RNF216: variants seen among roughly 807,000 people sequenced by gnomAD.
The protein encoded by RNF216 is E3 ubiquitin-protein ligase RNF216.
RNF216 carries 72 observed loss-of-function variants against 110.8 expected under a neutral mutation model. The ratio of observed to expected loss-of-function variants is 0.65; its 90% CI spans 0.54 to 0.79. The LOEUF (loss-of-function observed/expected upper bound fraction) is 0.79, where lower values mean the gene tolerates loss of function less well. RNF216 is among the 30% of genes least tolerant of loss of function. RNF216 has a pLI of 0.00. For synonymous variants in RNF216, 495 were observed against 407.5 expected, an observed-to-expected ratio of 1.21 and a Z score of -2.59; for missense variants, 1,342 against 1,141.2, an observed-to-expected ratio of 1.18 and a Z score of -2.54.
intron 13 of RNF216, 44 bp from the exon 14 acceptor site, chr7:5,652,554 A>G: frequency 7.7e-7 from 1 of 1,300,346 alleles, no homozygotes; most frequent in East Asian, 2.3e-5. Context: ...TGGTGAGTGG[A>G]CACCACAGAA....
intron 13 of RNF216, among the ~76,000 whole-genome samples, chr7:5,672,022 A>G (rs1789952214): frequency 6.6e-6 from 1 of 152,224 alleles, no homozygotes; most frequent in Admixed American, 6.5e-5. Flanking sequence ...GTATTTTGCT[A>G]AGGCAGCCGA....
chr7:5,714,614 A>C (rs4724713), intron 11 of RNF216, among the ~76,000 whole-genome samples: 2 of 152,250 alleles, frequency 1.3e-5, no homozygotes, highest in South Asian at 4.1e-4. Context: ...AAATACCACA[A>C]ACTCGGTGGT....
chr7:5,728,396 A>G (rs1356165059), intron 7 of RNF216, among the ~76,000 whole-genome samples: 1 of 152,000 alleles, frequency 6.6e-6, no homozygotes, highest in Non-Finnish European at 1.5e-5. Context: ...CTTGGCCGAA[A>G]TGGTGAAACC....
rs746637942 is a variant in RNF216 at position 5,761,094 on chromosome 7, G to T, written c.-25C>A. ...TTTTCAAATGCAGACATGCATATAT[G>T]GGACTGCTAATATCTAAACATGGTG... On this transcript the variant is annotated 5_prime_UTR_variant, in exon 2 of 17. Transcript: ENST00000389902. 13 of 1,497,346 alleles carry T rather than the reference G, an allele frequency of 8.7e-6. No homozygotes were observed. The highest frequency in any genetic ancestry group is 6.7e-5 in the Admixed American group (3 of 44,854). The allele number at this position is 1,497,346 out of a possible 1,614,324, so 92.8% of individuals were successfully genotyped here.
chr7:5,635,991 T>C (rs1157410764), intron 15 of RNF216, among the ~76,000 whole-genome samples: 1 of 152,214 alleles, frequency 6.6e-6, no homozygotes, highest in Admixed American at 6.5e-5. Context: ...TAGTTTCTCG[T>C]AGCCAAAACC....
In RNF216 at chr7:5,752,755, T is replaced by G; in HGVS notation, c.201+91A>C. 12 of 1,293,832 alleles carry G rather than the reference T, an allele frequency of 9.3e-6. No homozygotes were observed. The South Asian group carries it at 1.1e-4, about 11-fold the overall frequency. 80.1% of individuals were successfully genotyped at this position (1,293,832 alleles called of 1,614,324 possible). On this transcript the variant is annotated intron_variant, in intron 3 of 16. Transcript: ENST00000389902. ...CTGTTCTCAGAACGAGTACAAGAGG[T>G]GCTGTTCTACAACAAGGCCCACAAG...
At chr7:5,777,446 G>A in intron 1 of RNF216, 1 of 152,228 alleles carries the variant, frequency 6.6e-6, no homozygotes, top group Non-Finnish European at 1.5e-5. Context: ...AAGATGGCAT[G>A]TAGGAGACAA....
chr7:5,632,469 A>G (rs1584342737), intron 15 of RNF216, among the ~76,000 whole-genome samples: 1 of 152,242 alleles, frequency 6.6e-6, no homozygotes, highest in African/African-American at 2.4e-5. Flanking sequence ...GATGCTGATC[A>G]GCGACCAAGG....
At chr7:5,762,737 G>A (rs374280986) in intron 1 of RNF216, among the ~76,000 whole-genome samples, 7 of 152,096 alleles carry the variant, frequency 4.6e-5, no homozygotes, top group South Asian at 2.1e-4. Flanking sequence ...TACAGTATGC[G>A]TAAGAATGAC....
chr7:5,767,662 G>C (rs1045187903), intron 1 of RNF216, among the ~76,000 whole-genome samples: 2 of 150,840 alleles, frequency 1.3e-5, no homozygotes, highest in African/African-American at 2.4e-5. Flanking sequence ...GTAATGGTGC[G>C]ATCTTGGCTC....
At position 5,622,863 on chromosome 7, in the gene RNF216, G is replaced by A. The variant is rs754657972; in HGVS notation, c.2769C>T (p.Phe923=). The A allele has an allele frequency of 1.3e-6, 2 of 1,598,772 alleles. No individual in the cohort carries two copies. Among genetic ancestry groups the A allele is most frequent in the African/African-American group, 1.3e-5 (1 of 74,888 alleles). ...MHFGPQPRHR[F] Reference sequence around the variant, plus strand: ...GCTCAATGGGGATTCGGGGCCATCAGAAGCGATGCCGCGGCTGGGGGCCAA... The same window carrying A: ...GCTCAATGGGGATTCGGGGCCATCAAAAGCGATGCCGCGGCTGGGGGCCAA... Residue 923 remains phenylalanine, a synonymous_variant, in exon 17 of 17, where the codon TTC becomes TTT. Transcript: ENST00000389902.
At chr7:5,688,750 C>A (rs562338837) in intron 13 of RNF216, among the ~76,000 whole-genome samples, 4 of 152,028 alleles carry the variant, frequency 2.6e-5, no homozygotes, top group Non-Finnish European at 5.9e-5. Flanking sequence ...ACTGGGATAT[C>A]TGTAAAACTG....
intron 13 of RNF216, among the ~76,000 whole-genome samples, chr7:5,682,210 A>G (rs2128606153): frequency 6.6e-6 from 1 of 152,258 alleles, no homozygotes; most frequent in South Asian, 2.1e-4. Context: ...GCCAGCCCAC[A>G]CTGACTTTTT....
At chr7:5,739,716 G>T in intron 4 of RNF216, 2 of 440,780 alleles carry the variant, frequency 4.5e-6, no homozygotes, top group South Asian at 3.2e-5. Context: ...AAAACACCTG[G>T]GTGGCCGGGT....
rs767519529 is a variant in RNF216 at position 5,752,860 on chromosome 7, C to T, written c.187G>A (p.Val63Ile). 5.0e-6 allele frequency: 8 copies of T among 1,611,424 alleles called. No individual in the cohort carries two copies. The East Asian group carries it at 1.3e-4, about 27-fold the overall frequency. Residue 63 changes from valine to isoleucine, a missense_variant, in exon 3 of 17, where the codon GTC becomes ATC. Physicochemically the swap from Val to Ile is conservative, Grantham distance 29. Coordinates refer to ENST00000389902, the MANE Select transcript of RNF216 (RefSeq NM_207111.4). ...QHEEEDLDDD[V>I]ILTETNKPQR... The stretch of plus-strand genomic sequence containing the variant: ...AGAAAACTCACTTCTGTCAGGATGA[C>T]ATCATCATCCAGGTCCTCTTCTTCA...
At chr7:5,735,164 A>G (rs1794322280) in intron 5 of RNF216, among the ~76,000 whole-genome samples, 1 of 152,162 alleles carries the variant, frequency 6.6e-6, no homozygotes, top group South Asian at 2.1e-4. Context: ...TAAATAAATA[A>G]AAAAGAGTTT....
Position 5,715,138 on chromosome 7 carries a change from T to A in RNF216, c.1748A>T (p.Glu583Val). 2.5e-6 allele frequency: 4 copies of A among 1,613,930 alleles called. No individual in the cohort carries two copies. The highest frequency in any genetic ancestry group is 3.4e-6 in the Non-Finnish European group (4 of 1,180,010). The change falls in exon 11 of 17, where the codon GAG (glutamate) becomes GTG (valine). Residue 583 changes from glutamate (E) to valine (V), a missense_variant. By Grantham distance (121) the Glu-to-Val change is moderately radical. Coordinates refer to ENST00000389902, the MANE Select transcript of RNF216 (RefSeq NM_207111.4). ...RCCYGEFPFEELTQCADAHLF... is the reference protein window; with the variant it reads ...RCCYGEFPFEVLTQCADAHLF... Reference sequence around the variant, plus strand: ...GTGAGCATCTGCGCACTGCGTCAGCTCCTCGAATGGAAATTCCCCATAGCA... The same window carrying A: ...GTGAGCATCTGCGCACTGCGTCAGCACCTCGAATGGAAATTCCCCATAGCA...
chr7:5,721,564 T>C (rs1584510908), intron 8 of RNF216, among the ~76,000 whole-genome samples: 1 of 152,242 alleles, frequency 6.6e-6, no homozygotes, highest in Non-Finnish European at 1.5e-5. Context: ...TACCTGCGAA[T>C]TGCTAGATCA....
At chr7:5,718,621 A>G (rs943926569) in intron 9 of RNF216, among the ~76,000 whole-genome samples, 1 of 149,718 alleles carries the variant, frequency 6.7e-6, no homozygotes, top group African/African-American at 2.5e-5. Flanking sequence ...ATTTTGGCTC[A>G]CTGCAACCAA....
Sources: gnomAD v4.1 joint callset for allele counts (sites outside exome capture counted in the v4.1 genomes callset) on GRCh38, gnomAD v4.1.1 for gene constraint, MANE v1.5 for transcripts, NCBI Gene and HGNC (gene_info 2026-07-23, HGNC 2026-07-21) for gene names.